The following PODXL variants were observed in gnomAD, a reference collection of about 807,000 sequenced individuals.
The protein encoded by PODXL is podocalyxin.
A neutral mutation model predicts 48.9 loss-of-function variants in PODXL; 20 were observed. That is an observed-to-expected ratio of 0.41 (90% CI 0.29 to 0.59). PODXL has a LOEUF of 0.59. Ranked by LOEUF, PODXL falls within the 20% of genes least tolerant of loss-of-function variation. The pLI, the probability that PODXL is intolerant of heterozygous loss-of-function variation, is 0.31. For synonymous variants in PODXL, 295 were observed against 287.4 expected (o/e 1.03, Z -0.27); for missense variants, 606 against 675.1 (o/e 0.90, Z 1.13).
chr7:131,508,561 C>T (rs1797849936), intron 5 of PODXL, among the ~76,000 whole-genome samples: 1 of 152,216 alleles, frequency 6.6e-6, no homozygotes, highest in East Asian at 1.9e-4. Flanking sequence ...CTGGCCTCAC[C>T]TCTCATTTTC....
At position 131,501,591 on chromosome 7, in the gene PODXL, C is replaced by T. The variant is rs572700317; in HGVS notation, c.*2720G>A. On this transcript the variant is annotated 3_prime_UTR_variant, in exon 9 of 9. Coordinates refer to ENST00000378555, the MANE Select transcript of PODXL (RefSeq NM_001018111.3). Reference sequence around the variant, plus strand: ...GTCTCCCCACTCTCATGACAGTAGGCTTCCTAGTCATCATACTTGTGGTTT... The same window carrying T: ...GTCTCCCCACTCTCATGACAGTAGGTTTCCTAGTCATCATACTTGTGGTTT... 2 of 152,170 alleles carry T rather than the reference C, an allele frequency of 1.3e-5. No individual in the cohort carries two copies. Among genetic ancestry groups the T allele is most frequent in the African/African-American group, 4.8e-5 (2 of 41,426 alleles). 9.4% of individuals were successfully genotyped at this position (152,170 alleles called of 1,614,324 possible).
rs995564646 is a variant in PODXL, at chr7:131,510,913, G to A, written c.621C>T (p.Asp207=). The A allele has an allele frequency of 1.2e-6, 2 of 1,614,012 alleles. No individual in the cohort carries two copies. The highest frequency in any genetic ancestry group is 1.3e-5 in the African/African-American group (1 of 74,910). ...AACTGCTTGAAATTTTCATAAGATG[G>A]TCATGTCCCGAGCTTGTTGGGGTGG... ...PVATPTSSGH[D]HLMKISSSSS... Residue 207 remains aspartate (D), a synonymous_variant, in exon 2 of 9, where the codon GAC becomes GAT. Coordinates refer to ENST00000378555, the MANE Select transcript of PODXL (RefSeq NM_001018111.3).
At chr7:131,533,992 C>A (rs553820767) in intron 1 of PODXL, among the ~76,000 whole-genome samples, 2 of 152,040 alleles carry the variant, frequency 1.3e-5, no homozygotes. Context: ...AGAAAGTGCC[C>A]GATCTATGGC....
At chr7:131,552,496 G>A (rs761091437) in intron 1 of PODXL, among the ~76,000 whole-genome samples, 1 of 152,110 alleles carries the variant, frequency 6.6e-6, no homozygotes, top group Non-Finnish European at 1.5e-5. Flanking sequence ...TTTCAAACAT[G>A]GGTTCCTGAG....
intron 1 of PODXL, among the ~76,000 whole-genome samples, chr7:131,520,872 G>GA (rs1437244859): frequency 6.6e-6 from 1 of 152,194 alleles, no homozygotes; most frequent in Non-Finnish European, 1.5e-5. Context: ...CTGACTACAA[G>GA]AAAAAAGCTG....
In PODXL at chr7:131,511,054, C is replaced by T. The variant is rs560608639; in HGVS notation, c.480G>A (p.Gly160=). Residue 160 remains glycine, a synonymous_variant, in exon 2 of 9, where the codon GGG becomes GGA. Coordinates refer to ENST00000378555, the MANE Select transcript of PODXL (RefSeq NM_001018111.3). ...NGAEDTTNSG[G]KSSHSVTTDL... ...CTGTGGTCACACTGTGGCTGCTTTTCCCCCCAGAGTTTGTTGTATCTTCTG... is the reference window on the plus strand; with the variant it reads ...CTGTGGTCACACTGTGGCTGCTTTTTCCCCCAGAGTTTGTTGTATCTTCTG... 96 of 1,613,942 alleles carry T rather than the reference C, an allele frequency of 5.9e-5. No homozygotes were observed. In the African/African-American group the frequency reaches 9.3e-4, roughly 16 times the overall value.
At chr7:131,509,824 C>T (rs1797878848) in intron 3 of PODXL, among the ~76,000 whole-genome samples, 1 of 152,170 alleles carries the variant, frequency 6.6e-6, no homozygotes, top group Admixed American at 6.5e-5. Flanking sequence ...AAGGTACTTT[C>T]CTACTGAATC....
chr7:131,502,067 T>C lies in PODXL; in HGVS notation c.*2244A>G, dbSNP rs1055692634. On this transcript the variant is annotated 3_prime_UTR_variant, in exon 9 of 9. Coordinates refer to ENST00000378555, the MANE Select transcript of PODXL (RefSeq NM_001018111.3). Reference sequence around the variant, plus strand: ...GTCATCATCTGTCTCCAAGAGGCCATAGGGTTGCAGCCTTTGATTGATTTG... The same window carrying C: ...GTCATCATCTGTCTCCAAGAGGCCACAGGGTTGCAGCCTTTGATTGATTTG... The C allele has an allele frequency of 1.3e-5, 2 of 152,186 alleles. No individual in the cohort carries two copies. The highest frequency in any genetic ancestry group is 2.4e-5 in the African/African-American group (1 of 41,438). 9.4% of individuals were successfully genotyped at this position (152,186 alleles called of 1,614,324 possible).
Position 131,511,090 on chromosome 7 carries a change from G to A in PODXL, c.444C>T (p.Ser148=), listed in dbSNP as rs144767949. The A allele has an allele frequency of 4.4e-5, 71 of 1,613,846 alleles. No individual in the cohort carries two copies. The highest frequency in any genetic ancestry group is 5.5e-5 in the Non-Finnish European group (65 of 1,180,012). ...TTGTTGTATCTTCTGCTCCATTCTG[G>A]CTGCTTGTGGTGTTAGGTTTAGCTG... ...TATAKPNTTS[S]QNGAEDTTNS... The change falls in exon 2 of 9, where the codon AGC becomes AGT. Residue 148 remains serine, a synonymous_variant. Coordinates refer to ENST00000378555, the MANE Select transcript of PODXL (RefSeq NM_001018111.3).
Position 131,556,333 on chromosome 7 carries a change from C to T in PODXL, c.27G>A (p.Ala9=). The part of the protein sequence containing the change: MRCALALS[A]LLLLLSTPPL... ...GCGGCGTTGACAACAGTAGCAGCAG[C>T]GCCGAGAGCGCCAGCGCGCAGCGCA... The change falls in exon 1 of 9, where the codon GCG becomes GCA. Residue 9 remains alanine, a synonymous_variant. Coordinates refer to ENST00000378555, the MANE Select transcript of PODXL (RefSeq NM_001018111.3). The T allele has an allele frequency of 6.8e-7, 1 of 1,473,388 alleles. No homozygotes were observed. Among genetic ancestry groups the T allele is most frequent in the Non-Finnish European group, 9.0e-7 (1 of 1,114,030 alleles). 91.3% of individuals were successfully genotyped at this position (1,473,388 alleles called of 1,614,324 possible). A position where few individuals can be genotyped will look rare whatever the true frequency, so the allele number is the denominator to read the frequency against.
chr7:131,514,038 T>G lies in PODXL; in HGVS notation c.101-2605A>C, dbSNP rs193243096. 3.3e-5 allele frequency among the ~76,000 whole-genome samples: 5 copies of G among 152,220 alleles called. No individual in the cohort carries two copies. The East Asian group carries it at 9.7e-4, about 29-fold the overall frequency. ...AGCAGTCACATTATCACCTCTAATCTAGAGTGAAGTGCCCAGGAAGTGGCT... is the reference window on the plus strand; with the variant it reads ...AGCAGTCACATTATCACCTCTAATCGAGAGTGAAGTGCCCAGGAAGTGGCT... On this transcript the variant is annotated intron_variant, in intron 1 of 8. Transcript: ENST00000378555.
At position 131,506,328 on chromosome 7, in the gene PODXL, G is replaced by C; in HGVS notation, c.1250-7C>G. On this transcript the variant is annotated splice_polypyrimidine_tract_variant and splice_region_variant and intron_variant, in intron 6 of 8. Coordinates refer to ENST00000378555, the MANE Select transcript of PODXL (RefSeq NM_001018111.3). ...TCCTTGGCAGGGAGCTTAGCTGTGG[G>C]AGAGGGAGACGATGCCCAATGGCCC... The C allele has an allele frequency of 1.2e-6, 2 of 1,614,190 alleles. No homozygotes were observed. Among genetic ancestry groups the C allele is most frequent in the Non-Finnish European group, 1.7e-6 (2 of 1,180,006 alleles).
At chr7:131,508,717 G>A (rs1202263611) in intron 5 of PODXL, among the ~76,000 whole-genome samples, 5 of 106,392 alleles carry the variant, frequency 4.7e-5, no homozygotes, top group African/African-American at 7.6e-5. Context: ...GGGGGTGGGA[G>A]GGGGGGGTCC....
chr7:131,526,739 CTTTTTTTTT>C (rs57935236), intron 1 of PODXL, among the ~76,000 whole-genome samples: 4 of 90,498 alleles, frequency 4.4e-5, no homozygotes, highest in Non-Finnish European at 7.8e-5. Flanking sequence ...CTTCCTTACT[CTTTTTTTTT>C]TTTTTTTTTT....
intron 6 of PODXL, 70 bp from the exon 7 acceptor site, chr7:131,506,391 C>T (rs940464778): frequency 2.6e-6 from 4 of 1,545,614 alleles, no homozygotes. Context: ...GGACTGCGCC[C>T]CAAGAGAGGG....
intron 1 of PODXL, among the ~76,000 whole-genome samples, chr7:131,553,977 G>A (rs17165700): frequency 0.024 from 3,714 of 152,276 alleles, 101 homozygotes; most frequent in African/African-American, 0.072. Flanking sequence ...GCTGTAGGCT[G>A]CATAATCTGC....
chr7:131,504,337 C>G lies in PODXL; in HGVS notation c.1651G>C (p.Asp551His). 6.2e-7 allele frequency: 1 copy of G among 1,614,186 alleles called. No homozygotes were observed. The highest frequency in any genetic ancestry group is 8.5e-7 in the Non-Finnish European group (1 of 1,180,030). Residue 551 changes from aspartate (D) to histidine (H), a missense_variant, in exon 9 of 9, where the codon GAT (aspartate) becomes CAT (histidine). By Grantham distance (81) the Asp-to-His change is moderately conservative. Transcript: ENST00000378555. Reference sequence around the variant, plus strand: ...TAGAGGTGTGTGTCTTCCTCCTCATCCAGGTCGTCCTTGGTCAGGTTGTCC... The same window carrying G: ...TAGAGGTGTGTGTCTTCCTCCTCATGCAGGTCGTCCTTGGTCAGGTTGTCC... ...PLDNLTKDDL[D>H]EEEDTHL
chr7:131,509,126 C>T lies in PODXL; in HGVS notation c.1024-98G>A, dbSNP rs56165616. ...GGTGACCCAGATAGGAAAGAGTTCA[C>T]GGCAAGCTGGAGGCATGGCTGGACC... is the stretch of plus-strand genomic sequence containing the variant. On this transcript the variant is annotated intron_variant, in intron 4 of 8. Transcript: ENST00000378555. 0.14 allele frequency: 161,721 copies of T among 1,136,860 alleles called. 12,764 individuals carry two copies. Among genetic ancestry groups the T allele is most frequent in the Middle Eastern group, 0.24 (1,243 of 5,138 alleles). 70.4% of individuals were successfully genotyped at this position (1,136,860 alleles called of 1,614,324 possible). A position where few individuals can be genotyped will look rare whatever the true frequency, so the allele number is the denominator to read the frequency against.
At position 131,508,967 on chromosome 7, in the gene PODXL, G is replaced by A. The variant is rs1797860191; in HGVS notation, c.1085C>T (p.Thr362Ile). The A allele has an allele frequency of 1.2e-6, 2 of 1,613,642 alleles. No homozygotes were observed. The highest frequency in any genetic ancestry group is 1.7e-6 in the Non-Finnish European group (2 of 1,179,536). ...QSEKQLVLNL[T>I]GNTLCAGGAS... The stretch of plus-strand genomic sequence containing the variant: ...GCTACTCACACAGAGGGTGTTTCCT[G>A]TGAGGTTCAGGACGAGCTGCTTCTC... Residue 362 changes from threonine to isoleucine, a missense_variant, in exon 5 of 9, where the codon ACA becomes ATA. Transcript: ENST00000378555.
Sources: gnomAD v4.1 joint callset for allele counts (sites outside exome capture counted in the v4.1 genomes callset) on GRCh38, gnomAD v4.1.1 for gene constraint, MANE v1.5 for transcripts, NCBI Gene and HGNC (gene_info 2026-07-23, HGNC 2026-07-21) for gene names.